TMEM108: variants seen among roughly 807,000 people sequenced by gnomAD.
TMEM108 encodes the protein transmembrane protein 108.
A neutral mutation model predicts 35.1 loss-of-function variants in TMEM108; 12 were observed. The ratio of observed to expected loss-of-function variants is 0.34; its 90% CI spans 0.22 to 0.55. TMEM108 has a LOEUF of 0.55. Ranked by LOEUF, TMEM108 falls within the 20% of genes least tolerant of loss-of-function variation. The pLI is 0.89. For missense variants in TMEM108, 680 were observed against 753.3 expected (o/e 0.90, Z 1.14); for synonymous variants, 287 against 308.6 (o/e 0.93, Z 0.73).
intron 2 of TMEM108, among the ~76,000 whole-genome samples, chr3:133,166,210 G>A (rs1945034118): frequency 6.6e-6 from 1 of 152,162 alleles, no homozygotes; most frequent in Admixed American, 6.5e-5. Flanking sequence ...GTTGGGAGGA[G>A]GGAGAGCATC....
chr3:133,130,003 C>T (rs1008720599), intron 2 of TMEM108, among the ~76,000 whole-genome samples: 18 of 960 alleles, frequency 0.019, no homozygotes, highest in Non-Finnish European at 0.036. Context: ...TATTAAAGGA[C>T]TTTTTTGCAA....
chr3:133,332,076 GCACGTGCACACACA>G (rs2071401017), intron 3 of TMEM108, among the ~76,000 whole-genome samples: 1 of 95,398 alleles, frequency 1.0e-5, no homozygotes, highest in African/African-American at 4.3e-5. Flanking sequence ...GCGTGCGTGC[GCACGTGCACACACA>G]CACACACACA....
intron 3 of TMEM108, among the ~76,000 whole-genome samples, chr3:133,344,761 A>G (rs1212974022): frequency 2.0e-5 from 3 of 151,826 alleles, no homozygotes; most frequent in African/African-American, 7.2e-5. Flanking sequence ...AGAAAAGTAT[A>G]TTACAGATGA....
chr3:133,182,198 G>A (rs6809255), intron 2 of TMEM108, among the ~76,000 whole-genome samples: 37,931 of 152,082 alleles, frequency 0.25, 4,987 homozygotes, highest in Middle Eastern at 0.38. Context: ...TTTCTTCCCA[G>A]TGGTAGATCG....
chr3:133,169,439 C>A (rs1167425825), intron 2 of TMEM108, among the ~76,000 whole-genome samples: 2 of 152,108 alleles, frequency 1.3e-5, no homozygotes, highest in African/African-American at 4.8e-5. Context: ...CTGTGTTGTT[C>A]ATTATTTTAT....
chr3:133,317,952 AAAG>A (rs2071219941), intron 3 of TMEM108, among the ~76,000 whole-genome samples: 1 of 152,206 alleles, frequency 6.6e-6, no homozygotes, highest in Admixed American at 6.5e-5. Flanking sequence ...CTTCAGTTGG[AAAG>A]GAGAAAAATT....
intron 3 of TMEM108, among the ~76,000 whole-genome samples, chr3:133,270,892 A>G (rs1173248475): frequency 5.3e-5 from 8 of 152,040 alleles, no homozygotes; most frequent in Non-Finnish European, 1.0e-4. Context: ...CTGTCAGGAA[A>G]AGGATCATAA....
chr3:133,063,856 G>A (rs894986589), intron 2 of TMEM108, among the ~76,000 whole-genome samples: 6 of 152,124 alleles, frequency 3.9e-5, no homozygotes, highest in Non-Finnish European at 8.8e-5. Context: ...TTGAGACCAA[G>A]CATTCATTAC....
intron 3 of TMEM108, among the ~76,000 whole-genome samples, chr3:133,260,305 T>A (rs993490181): frequency 3.4e-5 from 5 of 145,894 alleles, no homozygotes; most frequent in African/African-American, 1.0e-4. Flanking sequence ...AAAAAAAAAA[T>A]TTATTATCAG....
intron 3 of TMEM108, among the ~76,000 whole-genome samples, chr3:133,375,620 CAG>C (rs1324553440): frequency 6.6e-6 from 1 of 152,152 alleles, no homozygotes; most frequent in Admixed American, 6.5e-5. Context: ...TTTATTGTGA[CAG>C]TGTGCATAGC....
intron 2 of TMEM108, among the ~76,000 whole-genome samples, chr3:133,149,010 C>CAA (rs1388628930): frequency 2.0e-5 from 3 of 151,936 alleles, no homozygotes; most frequent in Admixed American, 6.6e-5. Context: ...CAAAACAAAA[C>CAA]AAAAACAACA....
intron 1 of TMEM108, among the ~76,000 whole-genome samples, chr3:133,040,426 A>G (rs1192386229): frequency 6.6e-6 from 1 of 151,758 alleles, no homozygotes; most frequent in Non-Finnish European, 1.5e-5. Context: ...GCTGGTCTTG[A>G]ACTCCTGACC....
In TMEM108 at chr3:133,380,143, A is replaced by G. The variant is rs1409642374; in HGVS notation, c.432A>G (p.Thr144=). The change falls in exon 4 of 6, where the codon ACA becomes ACG. Residue 144 remains threonine, a synonymous_variant. Coordinates refer to ENST00000321871, the MANE Select transcript of TMEM108 (RefSeq NM_023943.4). This position sits in a 1 kb window ranked among gnomAD's most constrained non-coding sequence, Gnocchi z 5.3. ...AGGCTGCCCCCACCATCCTGCTGAC[A>G]AAGCCACCGGGGGCCACCAGCCGCC... The part of the protein sequence containing the change: ...RGQAAPTILL[T]KPPGATSRPT... 1 of 1,613,232 alleles carries G rather than the reference A, an allele frequency of 6.2e-7. No homozygotes were observed. Among genetic ancestry groups the G allele is most frequent in the Non-Finnish European group, 8.5e-7 (1 of 1,179,698 alleles).
At chr3:133,286,340 A>ATT (rs112441403) in intron 3 of TMEM108, among the ~76,000 whole-genome samples, 1 of 149,616 alleles carries the variant, frequency 6.7e-6, no homozygotes. Flanking sequence ...TTATTTATTT[A>ATT]TTTTTTTTTT....
intron 3 of TMEM108, among the ~76,000 whole-genome samples, chr3:133,241,268 C>T (rs1428528771): frequency 6.6e-6 from 1 of 152,234 alleles, no homozygotes; most frequent in African/African-American, 2.4e-5. Context: ...CCCAAAAGCC[C>T]CCCAAACCTA....
rs185653859 is a variant in TMEM108, at chr3:133,354,115, C to T, written c.41-25637C>T. Among the ~76,000 whole-genome samples the T allele has an allele frequency of 6.6e-5, 10 of 152,324 alleles. No homozygotes were observed. In the East Asian group the frequency reaches 1.9e-3, roughly 29 times the overall value. The stretch of plus-strand genomic sequence containing the variant: ...TTTAGACTCCTATTTCTCTATTAAG[C>T]CTTGACGTCAGTTTTTATGTTATAA... On this transcript the variant is annotated intron_variant, in intron 3 of 5. Transcript: ENST00000321871.
chr3:133,102,972 A>G (rs914153507), intron 2 of TMEM108, among the ~76,000 whole-genome samples: 3 of 152,198 alleles, frequency 2.0e-5, no homozygotes, highest in Admixed American at 1.3e-4. Flanking sequence ...AAAAAGGAAC[A>G]CTTAAACACT....
intron 2 of TMEM108, among the ~76,000 whole-genome samples, chr3:133,181,786 A>G (rs969209813): frequency 6.6e-6 from 1 of 152,224 alleles, no homozygotes; most frequent in African/African-American, 2.4e-5. Flanking sequence ...GGTAATTGCA[A>G]CAGAGATTAA....
intron 2 of TMEM108, among the ~76,000 whole-genome samples, chr3:133,151,090 C>T (rs1944793345): frequency 1.3e-5 from 2 of 152,086 alleles, no homozygotes; most frequent in South Asian, 4.1e-4. Flanking sequence ...TCTCCTGTTT[C>T]ACCACCATTT....
Sources: gnomAD v4.1 joint callset for allele counts (sites outside exome capture counted in the v4.1 genomes callset) on GRCh38, gnomAD v4.1.1 for gene constraint, Gnocchi (gnomAD v3.1) non-coding constraint, MANE v1.5 for transcripts, NCBI Gene and HGNC (gene_info 2026-07-23, HGNC 2026-07-21) for gene names.